The following HDAC1 variants were observed in gnomAD, a reference collection of about 807,000 sequenced individuals.
The protein encoded by HDAC1 is histone deacetylase 1, also known as protein deacetylase HDAC1.
A neutral mutation model predicts 65.5 loss-of-function variants in HDAC1; 18 were observed. The observed-to-expected ratio is 0.27, with a 90% CI of 0.19 to 0.41. The LOEUF is 0.41. Ranked by LOEUF, HDAC1 falls within the 10% of genes least tolerant of loss-of-function variation. The probability of loss-of-function intolerance (pLI) is 1.00; values close to 1 mark genes in which losing one functional copy is unlikely to be tolerated. For missense variants in HDAC1, 373 were observed against 625.2 expected, an observed-to-expected ratio of 0.60 and a Z score of 4.30; for synonymous variants, 211 against 227.9, an observed-to-expected ratio of 0.93 and a Z score of 0.67.
At position 32,327,186 on chromosome 1, in the gene HDAC1, C is replaced by T; in HGVS notation, c.494+109C>T. ...TTTGCTTTTCCTACCGATGTGCTGG[C>T]TAGGATGTGCTCGGTGAGTGTCTCT... On this transcript the variant is annotated intron_variant, in intron 5 of 13. Transcript: ENST00000373548. The surrounding 1 kb of genome is among the most constrained non-coding windows in gnomAD (Gnocchi z 6.0). The T allele has an allele frequency of 9.1e-7, 1 of 1,094,396 alleles. No individual in the cohort carries two copies. The highest frequency in any genetic ancestry group is 1.3e-6 in the Non-Finnish European group (1 of 741,976). 67.8% of individuals were successfully genotyped at this position (1,094,396 alleles called of 1,614,324 possible).
At chr1:32,313,126 C>T (rs1274009873) in intron 2 of HDAC1, among the ~76,000 whole-genome samples, 3 of 151,438 alleles carry the variant, frequency 2.0e-5, no homozygotes, top group Admixed American at 6.6e-5. Flanking sequence ...GATGGAGTCT[C>T]GCTTTGTTGC....
At chr1:32,294,963 T>TTTG (rs1557597878) in intron 1 of HDAC1, among the ~76,000 whole-genome samples, 2 of 152,022 alleles carry the variant, frequency 1.3e-5, no homozygotes, top group African/African-American at 4.8e-5. Flanking sequence ...CACTGTTTTT[T>TTTG]TTGTTGTTGT....
chr1:32,330,556 T>C lies in HDAC1; in HGVS notation c.730-22T>C. 1 of 1,548,680 alleles carries C rather than the reference T, an allele frequency of 6.5e-7. No homozygotes were observed. Among genetic ancestry groups the C allele is most frequent in the Non-Finnish European group, 8.9e-7 (1 of 1,120,658 alleles). On this transcript the variant is annotated intron_variant, in intron 7 of 13. Transcript: ENST00000373548. The surrounding 1 kb of genome is among the most constrained non-coding windows in gnomAD (Gnocchi z 4.2). ...CGTATTGCTTTCTTGAGGTTGGTGG[T>C]GACCAGGATGTATCATTTTAGGTCA...
chr1:32,292,417 A>T (rs572514640), intron 1 of HDAC1, 199 bp downstream of exon 1: 1 of 985,156 alleles, frequency 1.0e-6, no homozygotes, highest in African/African-American at 1.7e-5. Context: ...CCAAGAGGGG[A>T]TCGCGTGGGG....
chr1:32,297,614 T>C lies in HDAC1; in HGVS notation c.50-5007T>C, dbSNP rs1172454435. ...CAGTCTTTAGATAAGGGAATAGACT[T>C]CTTTTTTTGCGGGGGGGACGGAGTC... On this transcript the variant is annotated intron_variant, in intron 1 of 13. Transcript: ENST00000373548. Among the ~76,000 whole-genome samples the C allele has an allele frequency of 2.6e-5, 4 of 152,080 alleles. No homozygotes were observed. The East Asian group carries it at 7.7e-4, about 29-fold the overall frequency.
intron 2 of HDAC1, among the ~76,000 whole-genome samples, chr1:32,308,665 C>T (rs1056139966): frequency 6.6e-6 from 1 of 151,700 alleles, no homozygotes; most frequent in Non-Finnish European, 1.5e-5. Context: ...ACTACAGGCA[C>T]CTGCCACCAC....
At chr1:32,300,137 T>G (rs1640827109) in intron 1 of HDAC1, among the ~76,000 whole-genome samples, 1 of 152,092 alleles carries the variant, frequency 6.6e-6, no homozygotes, top group African/African-American at 2.4e-5. Flanking sequence ...TCCAGATCAG[T>G]CATTAGCTGT....
At chr1:32,293,031 A>G (rs2124392423) in intron 1 of HDAC1, among the ~76,000 whole-genome samples, 1 of 152,312 alleles carries the variant, frequency 6.6e-6, no homozygotes, top group East Asian at 1.9e-4. Context: ...TTTGAAAAAC[A>G]GGCATTTGGC....
chr1:32,332,066 C>G, intron 11 of HDAC1, 24 bp from the exon 12 acceptor site: 1 of 1,560,206 alleles, frequency 6.4e-7, no homozygotes, highest in Non-Finnish European at 8.7e-7. Context: ...TGCCCTCTCA[C>G]CCATGCTTCC....
chr1:32,292,095 G>T lies in HDAC1; in HGVS notation c.-75G>T. ...GCCGGAGGCCCGCCCCCTCCCCCCT[G>T]GGTCGGACGCTGAGCGGAGCCGCGG... On this transcript the variant is annotated 5_prime_UTR_variant, in exon 1 of 14. Transcript: ENST00000373548. 1 of 1,441,734 alleles carries T rather than the reference G, an allele frequency of 6.9e-7. No homozygotes were observed. The highest frequency in any genetic ancestry group is 1.2e-5 in the South Asian group (1 of 81,742). The allele number at this position is 1,441,734 out of a possible 1,614,324, so 89.3% of individuals were successfully genotyped here.
intron 2 of HDAC1, among the ~76,000 whole-genome samples, chr1:32,306,713 T>A (rs1324972927): frequency 6.6e-6 from 1 of 152,196 alleles, no homozygotes; most frequent in Non-Finnish European, 1.5e-5. Context: ...CTGTGTATTT[T>A]GTGATTTTTG....
At chr1:32,315,473 C>T (rs1641047451) in intron 2 of HDAC1, among the ~76,000 whole-genome samples, 2 of 151,542 alleles carry the variant, frequency 1.3e-5, no homozygotes, top group Admixed American at 1.3e-4. Flanking sequence ...CTGTCTCAGC[C>T]TCCTGAGTAG....
chr1:32,325,596 C>T (rs544451418), intron 4 of HDAC1, among the ~76,000 whole-genome samples: 3 of 152,308 alleles, frequency 2.0e-5, no homozygotes, highest in African/African-American at 2.4e-5. Flanking sequence ...TCCTACTTAA[C>T]GAAATTGTCT....
chr1:32,307,350 A>G (rs1163651122), intron 2 of HDAC1, among the ~76,000 whole-genome samples: 1 of 152,198 alleles, frequency 6.6e-6, no homozygotes, highest in Non-Finnish European at 1.5e-5. Context: ...CAACCTTTTC[A>G]TGTAAAGGAA....
intron 2 of HDAC1, among the ~76,000 whole-genome samples, chr1:32,303,851 G>A (rs1189563694): frequency 6.6e-6 from 1 of 152,084 alleles, no homozygotes; most frequent in Non-Finnish European, 1.5e-5. Flanking sequence ...GACAGAATGA[G>A]ATTTTGTCTC....
chr1:32,307,341 A>C (rs964217095), intron 2 of HDAC1, among the ~76,000 whole-genome samples: 2 of 152,208 alleles, frequency 1.3e-5, no homozygotes, highest in Admixed American at 6.5e-5. Context: ...TGAGAACTTC[A>C]ACCTTTTCAT....
At chr1:32,332,601 T>G in intron 12 of HDAC1, 100 bp from the exon 13 acceptor site, 10 of 832,460 alleles carry the variant, frequency 1.2e-5, no homozygotes, top group Non-Finnish European at 1.8e-5. Context: ...TTATGTCCAG[T>G]GAGCTGTAGT....
intron 2 of HDAC1, among the ~76,000 whole-genome samples, chr1:32,303,324 G>T (rs1032576762): frequency 3.3e-5 from 5 of 152,140 alleles, no homozygotes; most frequent in African/African-American, 1.2e-4. Flanking sequence ...AGGCATGGTG[G>T]CACATGCCTG....
rs373980046 is a variant in HDAC1 at position 32,330,914 on chromosome 1, A to T, written c.979+6A>T. 3.7e-5 allele frequency: 59 copies of T among 1,613,924 alleles called. No homozygotes were observed. Among genetic ancestry groups the T allele is most frequent in the Non-Finnish European group, 4.5e-5 (53 of 1,179,940 alleles). On this transcript the variant is annotated splice_donor_region_variant and intron_variant, in intron 9 of 13. Coordinates refer to ENST00000373548, the MANE Select transcript of HDAC1 (RefSeq NM_004964.3). The surrounding 1 kb of genome is among the most constrained non-coding windows in gnomAD (Gnocchi z 4.2). The stretch of plus-strand genomic sequence containing the variant: ...GGATACGGAGATCCCTAATGGTAAT[A>T]GCTGCAGGGCCAGGTTCGGCTGGGC...
Sources: allele counts gnomAD v4.1 joint callset (sites outside exome capture counted in the v4.1 genomes callset), GRCh38; gene constraint gnomAD v4.1.1; non-coding constraint Gnocchi (gnomAD v3.1); transcripts MANE v1.5; gene names NCBI Gene and HGNC (gene_info 2026-07-23, HGNC 2026-07-21).